PCNX1: variants seen among roughly 807,000 people sequenced by gnomAD.
PCNX1 encodes pecanex 1.
PCNX1 carries 78 observed loss-of-function variants against 242.2 expected under a neutral mutation model. The ratio of observed to expected loss-of-function variants is 0.32; its 90% CI spans 0.27 to 0.39. The LOEUF (loss-of-function observed/expected upper bound fraction) is 0.39. Among genes scored for constraint, PCNX1 ranks in the 10% least tolerant of loss-of-function variants. The probability of loss-of-function intolerance (pLI) is 1.00; values close to 1 mark genes in which losing one functional copy is unlikely to be tolerated. For synonymous variants in PCNX1, 1,024 were observed against 1,032.9 expected, an observed-to-expected ratio of 0.99 and a Z score of 0.17; for missense variants, 2,581 against 2,856.5, an observed-to-expected ratio of 0.90 and a Z score of 2.20.
intron 30 of PCNX1, among the ~76,000 whole-genome samples, chr14:71,099,304 G>A (rs867344280): frequency 6.6e-5 from 10 of 151,906 alleles, no homozygotes; most frequent in South Asian, 2.1e-4. Context: ...GACTGCAGGC[G>A]CCCGCCACCA....
At position 71,110,422 on chromosome 14, in the gene PCNX1, AAG is replaced by A. The variant is rs1483841755; in HGVS notation, c.*491_*492del. 1 of 174,364 alleles carries A rather than the reference AAG, an allele frequency of 5.7e-6. No individual in the cohort carries two copies. Among genetic ancestry groups the A allele is most frequent in the African/African-American group, 2.4e-5 (1 of 41,634 alleles). The allele number at this position is 174,364 out of a possible 1,614,324, so 10.8% of individuals were successfully genotyped here. ...AGTATAAAAGTTTAATGTACAGTGAAAGAGACTATGAACAGACATAGATTTAT... is the reference window on the plus strand; with the variant it reads ...AGTATAAAAGTTTAATGTACAGTGAAAGACTATGAACAGACATAGATTTAT... On this transcript the variant is annotated 3_prime_UTR_variant, in exon 36 of 36. Transcript: ENST00000304743.
rs540499767 is a variant in PCNX1 at position 70,931,813 on chromosome 14, A to G, written c.154-15102A>G. ...CATTCAGAGATCTCAGACCACACAA[A>G]GAGAAACAGGGATTTAAGAATGATC... On this transcript the variant is annotated intron_variant, in intron 1 of 35. Transcript: ENST00000304743. Among the ~76,000 whole-genome samples, 6 of 152,334 alleles carry G rather than the reference A, an allele frequency of 3.9e-5. No individual in the cohort carries two copies. In the East Asian group the frequency reaches 7.7e-4, roughly 20 times the overall value.
chr14:71,028,449 C>T (rs1438898061), intron 15 of PCNX1, among the ~76,000 whole-genome samples: 1 of 151,752 alleles, frequency 6.6e-6, no homozygotes, highest in Non-Finnish European at 1.5e-5. Flanking sequence ...TTTTTTCTTG[C>T]TACATATAAA....
intron 7 of PCNX1, among the ~76,000 whole-genome samples, chr14:70,994,793 A>G (rs2059299149): frequency 6.6e-6 from 1 of 152,082 alleles, no homozygotes; most frequent in Admixed American, 6.5e-5. Flanking sequence ...TAAAATTCAT[A>G]GTATCATAAA....
chr14:71,050,907 G>A (rs558186494), intron 23 of PCNX1, 147 bp downstream of exon 23: 10 of 735,800 alleles, frequency 1.4e-5, no homozygotes, highest in Admixed American at 1.2e-4. Flanking sequence ...AGTGGCTCAC[G>A]CCTGTAATCC....
At chr14:71,085,811 C>G (rs1373997376) in intron 28 of PCNX1, 2 of 369,062 alleles carry the variant, frequency 5.4e-6, no homozygotes, top group African/African-American at 4.3e-5. Context: ...AGGAGCCACA[C>G]AGGTGCCTGG....
intron 1 of PCNX1, among the ~76,000 whole-genome samples, chr14:70,915,490 A>G (rs546465672): frequency 1.4e-4 from 22 of 152,356 alleles, no homozygotes; most frequent in African/African-American, 5.1e-4. Flanking sequence ...GATTACAAAA[A>G]TGGGCTCATA....
At chr14:71,003,470 C>T (rs1048542332) in intron 8 of PCNX1, among the ~76,000 whole-genome samples, 1 of 152,166 alleles carries the variant, frequency 6.6e-6, no homozygotes, top group Non-Finnish European at 1.5e-5. Flanking sequence ...ATACAAATTA[C>T]AAATATTTTC....
rs552607868 is a variant in PCNX1, at chr14:70,984,627, C to A, written c.2312-3940C>A. ...GGTCTCAGTCTCCTGACCTTGTGAT[C>A]CGCCTGGCTCGGCCTCCCAAAGTGC... is the stretch of plus-strand genomic sequence containing the variant. On this transcript the variant is annotated intron_variant, in intron 6 of 35. Transcript: ENST00000304743. Among the ~76,000 whole-genome samples the A allele has an allele frequency of 1.2e-4, 18 of 151,976 alleles. 1 individual carries two copies. The highest frequency in any genetic ancestry group is 2.1e-4 in the Non-Finnish European group (14 of 67,822).
chr14:71,110,361 C>T lies in PCNX1; in HGVS notation c.*426C>T, dbSNP rs1380043254. The T allele has an allele frequency of 6.7e-6, 2 of 300,306 alleles. No homozygotes were observed. The highest frequency in any genetic ancestry group is 4.8e-5 in the Admixed American group (1 of 20,628). The allele number at this position is 300,306 out of a possible 1,614,324, so 18.6% of individuals were successfully genotyped here. Reference sequence around the variant, plus strand: ...ATTCATTTACCTTGATTTTTAAGAACAGACCAGTGTAGAAATGTTCCTTTT... The same window carrying T: ...ATTCATTTACCTTGATTTTTAAGAATAGACCAGTGTAGAAATGTTCCTTTT... On this transcript the variant is annotated 3_prime_UTR_variant, in exon 36 of 36. Transcript: ENST00000304743.
Position 71,026,245 on chromosome 14 carries a change from C to G in PCNX1, c.3312C>G (p.Phe1104Leu). 2 of 1,610,624 alleles carry G rather than the reference C, an allele frequency of 1.2e-6. No homozygotes were observed. Among genetic ancestry groups the G allele is most frequent in the Non-Finnish European group, 1.7e-6 (2 of 1,178,116 alleles). The change falls in exon 14 of 36, where the codon TTC (phenylalanine) becomes TTG (leucine). Residue 1104 changes from phenylalanine to leucine, a missense_variant. By Grantham distance (22) the Phe-to-Leu change is conservative. Transcript: ENST00000304743. ...ATKFKLYGIT[F>L]TNPLVFISAR... The stretch of plus-strand genomic sequence containing the variant: ...AGTTCAAATTATATGGAATAACTTT[C>G]ACCAATCCACTGGTGTTTATATCAG...
intron 1 of PCNX1, among the ~76,000 whole-genome samples, chr14:70,912,405 T>C (rs897502678): frequency 6.6e-6 from 1 of 152,112 alleles, no homozygotes; most frequent in South Asian, 2.1e-4. Flanking sequence ...ATAAACATTC[T>C]AGGTAAGTTT....
In PCNX1 at chr14:70,988,549, A is replaced by C; in HGVS notation, c.2312-18A>C. On this transcript the variant is annotated intron_variant, in intron 6 of 35. Coordinates refer to ENST00000304743, the MANE Select transcript of PCNX1 (RefSeq NM_014982.3). Reference sequence around the variant, plus strand: ...TCTGACCTAGGCTCTTGTTTGACCTAAGTCTGTCTTGATGCAGCAGCACAA... The same window carrying C: ...TCTGACCTAGGCTCTTGTTTGACCTCAGTCTGTCTTGATGCAGCAGCACAA... 4 of 1,612,318 alleles carry C rather than the reference A, an allele frequency of 2.5e-6. No homozygotes were observed. Among genetic ancestry groups the C allele is most frequent in the Non-Finnish European group, 3.4e-6 (4 of 1,178,578 alleles).
intron 8 of PCNX1, among the ~76,000 whole-genome samples, chr14:71,007,830 C>T (rs977406750): frequency 1.3e-5 from 2 of 151,584 alleles, no homozygotes; most frequent in African/African-American, 4.8e-5. Flanking sequence ...TTCACCCTAC[C>T]ACTTTAAAAA....
At position 70,967,709 on chromosome 14, in the gene PCNX1, G is replaced by A. The variant is rs575784811; in HGVS notation, c.469-489G>A. Among the ~76,000 whole-genome samples, 163 of 152,238 alleles carry A rather than the reference G, an allele frequency of 1.1e-3. 1 individual carries two copies. The highest frequency in any genetic ancestry group is 1.8e-3 in the Non-Finnish European group (120 of 68,014). ...CTTACTTTTGTCTCCAACTAAAGAA[G>A]GTACATAATGATACACTTACAATTC... On this transcript the variant is annotated intron_variant, in intron 3 of 35. Transcript: ENST00000304743.
intron 1 of PCNX1, among the ~76,000 whole-genome samples, chr14:70,919,581 T>C (rs1472517087): frequency 6.6e-6 from 1 of 152,026 alleles, no homozygotes; most frequent in Non-Finnish European, 1.5e-5. Flanking sequence ...ACAAACGTTC[T>C]ATAGAGTTGA....
chr14:70,978,328 T>C lies in PCNX1; in HGVS notation c.1991T>C (p.Leu664Ser). ...TCTGAACACACACACAAAGCTCATT[T>C]GGTTCCTGAAGGAACCAGCAAAAAG... is the stretch of plus-strand genomic sequence containing the variant. ...TDSEHTHKAH[L>S]VPEGTSKKRA... The change falls in exon 6 of 36, where the codon TTG becomes TCG. Residue 664 changes from leucine to serine, a missense_variant. Transcript: ENST00000304743. 1 of 1,614,230 alleles carries C rather than the reference T, an allele frequency of 6.2e-7. No homozygotes were observed. The highest frequency in any genetic ancestry group is 8.5e-7 in the Non-Finnish European group (1 of 1,180,044).
Position 71,038,967 on chromosome 14 carries a change from CAAG to C in PCNX1, c.3867+2813_3867+2815del, listed in dbSNP as rs546853661. 4.8e-3 allele frequency among the ~76,000 whole-genome samples: 718 copies of C among 151,044 alleles called. 9 individuals carry two copies. Among genetic ancestry groups the C allele is most frequent in the African/African-American group, 0.016 (655 of 41,004 alleles). ...AATCATCATTCTCAGTAAACTATCGCAAGAACAAAAAACCAAACACCGCATATT... is the reference window on the plus strand; with the variant it reads ...AATCATCATTCTCAGTAAACTATCGCAACAAAAAACCAAACACCGCATATT... On this transcript the variant is annotated intron_variant, in intron 19 of 35. Coordinates refer to ENST00000304743, the MANE Select transcript of PCNX1 (RefSeq NM_014982.3).
chr14:71,095,751 C>A (rs2062259400), intron 30 of PCNX1, among the ~76,000 whole-genome samples: 1 of 152,184 alleles, frequency 6.6e-6, no homozygotes, highest in Non-Finnish European at 1.5e-5. Flanking sequence ...TCACAGTTTT[C>A]AATGTATGTA....
Sources: allele counts gnomAD v4.1 joint callset (sites outside exome capture counted in the v4.1 genomes callset), GRCh38; gene constraint gnomAD v4.1.1; transcripts MANE v1.5; gene names NCBI Gene and HGNC (gene_info 2026-07-23, HGNC 2026-07-21).